The following PTK2 variants were observed in gnomAD, a reference collection of about 807,000 sequenced individuals.
PTK2 encodes protein tyrosine kinase 2.
PTK2 carries 45 observed loss-of-function variants against 150.1 expected under a neutral mutation model. The observed-to-expected ratio is 0.30, with a 90% CI of 0.24 to 0.38. The LOEUF is 0.38. Ranked by LOEUF, PTK2 falls within the 10% of genes least tolerant of loss-of-function variation. The pLI is 1.00. For missense variants in PTK2, 919 were observed against 1,307.3 expected (o/e 0.70, Z 4.58); for synonymous variants, 432 against 449.2 (o/e 0.96, Z 0.48).
At chr8:140,997,479 G>A (rs2100198232) in intron 1 of PTK2, among the ~76,000 whole-genome samples, 1 of 152,226 alleles carries the variant, frequency 6.6e-6, no homozygotes, top group Non-Finnish European at 1.5e-5. Flanking sequence ...GCCAACTGAT[G>A]TGGCAAACCT....
chr8:140,869,219 G>T (rs563105753), intron 4 of PTK2, among the ~76,000 whole-genome samples: 2 of 146,000 alleles, frequency 1.4e-5, no homozygotes, highest in African/African-American at 2.5e-5. Flanking sequence ...ATTTTAAAGC[G>T]CCTGATATCT....
At chr8:140,772,288 G>A (rs12677092) in intron 14 of PTK2, among the ~76,000 whole-genome samples, 19,309 of 152,136 alleles carry the variant, frequency 0.13, 1,997 homozygotes, top group East Asian at 0.5. Context: ...AATTAGCCAG[G>A]TGTGGAGTCA....
chr8:140,839,531 A>T (rs1253925196), intron 7 of PTK2, among the ~76,000 whole-genome samples: 2 of 152,256 alleles, frequency 1.3e-5, no homozygotes, highest in Non-Finnish European at 2.9e-5. Context: ...GTTACCAAGC[A>T]TGAAGAAGAT....
chr8:140,948,635 G>C (rs2100178489), intron 1 of PTK2: 1 of 152,128 alleles, frequency 6.6e-6, no homozygotes, highest in South Asian at 2.1e-4. Context: ...ATTTAAAACA[G>C]AGAAGTCACA....
chr8:140,689,379 A>T (rs942587648), intron 26 of PTK2, among the ~76,000 whole-genome samples: 1 of 152,234 alleles, frequency 6.6e-6, no homozygotes, highest in African/African-American at 2.4e-5. Context: ...TGTAAATATC[A>T]AGGTCAGGAA....
intron 16 of PTK2, 43 bp from the exon 20 acceptor site, chr8:140,752,359 G>A: frequency 1.3e-6 from 2 of 1,555,616 alleles, no homozygotes; most frequent in Non-Finnish European, 1.8e-6. Context: ...ATGCAAAAAG[G>A]TTTGCTATAT....
intron 1 of PTK2, among the ~76,000 whole-genome samples, chr8:140,993,908 CTTG>C (rs1377489072): frequency 1.3e-5 from 2 of 151,994 alleles, no homozygotes; most frequent in Non-Finnish European, 2.9e-5. Context: ...TTTTGCATCT[CTTG>C]TAGAGACCAA....
intron 7 of PTK2, among the ~76,000 whole-genome samples, chr8:140,837,072 C>T (rs978320777): frequency 3.9e-5 from 6 of 152,144 alleles, no homozygotes; most frequent in African/African-American, 1.2e-4. Context: ...TAAAGGCTAA[C>T]GAAAAACATT....
chr8:140,810,958 C>G (rs1424538762), intron 10 of PTK2, among the ~76,000 whole-genome samples: 1 of 152,198 alleles, frequency 6.6e-6, no homozygotes, highest in Non-Finnish European at 1.5e-5. Flanking sequence ...AACAGGCAAC[C>G]CCCCACCCAA....
chr8:140,961,531 G>A (rs576444156), intron 1 of PTK2, among the ~76,000 whole-genome samples: 3 of 151,880 alleles, frequency 2.0e-5, no homozygotes, highest in South Asian at 2.1e-4. Context: ...GCGTGGTGGC[G>A]GGCACCTGTA....
chr8:140,996,593 T>A (rs1428986097), intron 1 of PTK2, among the ~76,000 whole-genome samples: 1 of 152,216 alleles, frequency 6.6e-6, no homozygotes, highest in East Asian at 1.9e-4. Context: ...TTTCCCATTC[T>A]GAAAATCCCA....
At chr8:140,999,162 T>C (rs1164825744) in intron 1 of PTK2, among the ~76,000 whole-genome samples, 4 of 152,138 alleles carry the variant, frequency 2.6e-5, no homozygotes, top group Non-Finnish European at 5.9e-5. Context: ...AAACATGGAG[T>C]TTTGATTTCC....
intron 7 of PTK2, among the ~76,000 whole-genome samples, chr8:140,837,704 G>C (rs1009163564): frequency 1.3e-5 from 2 of 152,006 alleles, no homozygotes; most frequent in Non-Finnish European, 2.9e-5. Flanking sequence ...ACTCTAGCCT[G>C]GGCAACAGAG....
At chr8:140,960,261 C>A (rs1268688914) in intron 1 of PTK2, among the ~76,000 whole-genome samples, 1 of 110,310 alleles carries the variant, frequency 9.1e-6, no homozygotes, top group African/African-American at 4.1e-5. Flanking sequence ...CGCAATGGCA[C>A]GATCTCGGCT....
At chr8:140,873,330 TA>T (rs1224059329) in intron 4 of PTK2, among the ~76,000 whole-genome samples, 1 of 152,246 alleles carries the variant, frequency 6.6e-6, no homozygotes, top group African/African-American at 2.4e-5. Flanking sequence ...AGAGTTTCAC[TA>T]AGGTATCGAT....
intron 8 of PTK2, among the ~76,000 whole-genome samples, chr8:140,823,147 A>G (rs755749557): frequency 7.2e-5 from 11 of 152,246 alleles, no homozygotes; most frequent in Non-Finnish European, 1.5e-4. Context: ...TGTCAACTGA[A>G]CACAGGGACC....
At chr8:140,695,134 A>G (rs2100025756) in intron 26 of PTK2, among the ~76,000 whole-genome samples, 2 of 152,186 alleles carry the variant, frequency 1.3e-5, no homozygotes, top group Non-Finnish European at 2.9e-5. Flanking sequence ...TGGACTCCTC[A>G]TTCTGAATTT....
chr8:140,668,133 G>A (rs2093414978), intron 30 of PTK2, 136 bp downstream of exon 34: 2 of 981,996 alleles, frequency 2.0e-6, no homozygotes, highest in African/African-American at 3.2e-5. Context: ...ACTGTATGGT[G>A]CTTTCGTGAA....
At position 140,873,041 on chromosome 8, in the gene PTK2, A is replaced by G. The variant is rs2100143432; in HGVS notation, c.362+6430T>C. Among the ~76,000 whole-genome samples the G allele has an allele frequency of 2.0e-5, 3 of 152,200 alleles. No homozygotes were observed. In the South Asian group the frequency reaches 6.2e-4, roughly 31 times the overall value. ...ACATTCTACTGTGTGAATAATCCCCAAGTGACTTGTCACTGCTTATGCCAT... is the reference window on the plus strand; with the variant it reads ...ACATTCTACTGTGTGAATAATCCCCGAGTGACTTGTCACTGCTTATGCCAT... On this transcript the variant is annotated intron_variant, in intron 4 of 31. Coordinates refer to ENST00000522684, the Ensembl canonical transcript of PTK2.
Sources: allele counts gnomAD v4.1 joint callset (sites outside exome capture counted in the v4.1 genomes callset), GRCh38; gene constraint gnomAD v4.1.1; transcripts MANE v1.5; gene names NCBI Gene and HGNC (gene_info 2026-07-23, HGNC 2026-07-21).